The following RBFOX1 variants were observed in gnomAD, a reference collection of about 807,000 sequenced individuals.
The protein encoded by RBFOX1 is RNA binding protein fox-1 homolog 1.
Under a neutral mutation model 57.7 loss-of-function variants are expected in RBFOX1, and 8 were observed. That is an observed-to-expected ratio of 0.14 (90% confidence interval 0.08 to 0.25). RBFOX1 has a LOEUF of 0.25. RBFOX1 is among the 10% of genes least tolerant of loss of function. The probability of loss-of-function intolerance (pLI) is 1.00; values close to 1 mark genes in which losing one functional copy is unlikely to be tolerated. For missense variants in RBFOX1, 611 were observed against 548.5 expected, an observed-to-expected ratio of 1.11 and a Z score of -1.14; for synonymous variants, 326 against 222.4, an observed-to-expected ratio of 1.47 and a Z score of -4.15.
chr16:7,659,046 A>T (rs1441289565), intron 12 of RBFOX1, among the ~76,000 whole-genome samples: 1 of 152,086 alleles, frequency 6.6e-6, no homozygotes, highest in East Asian at 1.9e-4. Flanking sequence ...TATTATTCTA[A>T]GCCTAAGCAT....
chr16:6,281,100 A>G (rs116079719), intron 1 of RBFOX1, among the ~76,000 whole-genome samples: 1,782 of 151,876 alleles, frequency 0.012, 41 homozygotes, highest in African/African-American at 0.041. Context: ...ATCTATGTCC[A>G]GTGGAAAGAG....
chr16:6,984,549 C>G (rs983501616), intron 3 of RBFOX1, among the ~76,000 whole-genome samples: 1 of 152,152 alleles, frequency 6.6e-6, no homozygotes, highest in East Asian at 1.9e-4. Context: ...GGTGCAGCAG[C>G]CCATTGAGTT....
chr16:7,237,526 A>G (rs2093829777), intron 4 of RBFOX1, among the ~76,000 whole-genome samples: 1 of 152,238 alleles, frequency 6.6e-6, no homozygotes, highest in Non-Finnish European at 1.5e-5. Flanking sequence ...TAGAATGAGA[A>G]AAGTGAAAAG....
Position 7,518,339 on chromosome 16 carries a change from G to C in RBFOX1, c.220G>C (p.Glu74Gln), listed in dbSNP as rs748804086. The stretch of plus-strand genomic sequence containing the variant: ...GTACCCTCCCGCCCAGACGCACTCC[G>C]AGCAGAGCCCGGCGGACACGAGCGC... ...NLYPPAQTHS[E>Q]QSPADTSAQT... is the part of the protein sequence containing the mutation. Residue 74 changes from glutamate (E) to glutamine (Q), a missense_variant, in exon 5 of 16, where the codon GAG (glutamate) becomes CAG (glutamine). By Grantham distance (29) the Glu-to-Gln change is conservative. This residue lies in a region of RBFOX1 where 245 missense variants were observed against 159.1 expected (regional missense o/e 1.54). Transcript: ENST00000550418. 83 of 1,613,586 alleles carry C rather than the reference G, an allele frequency of 5.1e-5. No individual in the cohort carries two copies. In the Admixed American group the frequency reaches 1.4e-3, roughly 26 times the overall value.
At chr16:6,846,337 C>G (rs1275434483) in intron 3 of RBFOX1, among the ~76,000 whole-genome samples, 1 of 152,152 alleles carries the variant, frequency 6.6e-6, no homozygotes, top group Admixed American at 6.6e-5. Context: ...ATGGACACAT[C>G]AAGACTCACT....
At chr16:6,820,524 T>C (rs960170629) in intron 3 of RBFOX1, among the ~76,000 whole-genome samples, 2 of 152,080 alleles carry the variant, frequency 1.3e-5, no homozygotes, top group African/African-American at 4.8e-5. Context: ...CTGGGTATGG[T>C]GGCGTGCACC....
Position 6,518,041 on chromosome 16 carries a change from C to G in RBFOX1, c.-63-136562C>G, listed in dbSNP as rs147186049. 5.1e-3 allele frequency among the ~76,000 whole-genome samples: 772 copies of G among 152,208 alleles called. 7 individuals carry two copies. The East Asian group carries it at 0.064, about 13-fold the overall frequency. ...CATTGACTCTGAAGTTCTTGTCTGT[C>G]TTTGTTGAACTAATTCAAGTTGGAG... is the stretch of plus-strand genomic sequence containing the variant. On this transcript the variant is annotated intron_variant, in intron 2 of 15. Transcript: ENST00000550418.
chr16:6,176,540 C>A (rs1329079312), intron 1 of RBFOX1, among the ~76,000 whole-genome samples: 1 of 151,968 alleles, frequency 6.6e-6, no homozygotes, highest in African/African-American at 2.4e-5. Context: ...ACTTAAACTT[C>A]AAAGAGTCTT....
At chr16:5,511,321 G>A (rs2043582900) in intron 2 of RBFOX1, among the ~76,000 whole-genome samples, 1 of 152,248 alleles carries the variant, frequency 6.6e-6, no homozygotes, top group Non-Finnish European at 1.5e-5. Context: ...GCAAAGCTAA[G>A]AGGAGCTGAG....
At chr16:6,848,922 G>C (rs1306947408) in intron 3 of RBFOX1, among the ~76,000 whole-genome samples, 1 of 152,128 alleles carries the variant, frequency 6.6e-6, no homozygotes, top group East Asian at 1.9e-4. Context: ...AAAAAGACCA[G>C]AGAATGTCTC....
intron 2 of RBFOX1, among the ~76,000 whole-genome samples, chr16:6,560,483 A>G (rs953623912): frequency 1.4e-4 from 22 of 152,202 alleles, no homozygotes; most frequent in African/African-American, 5.3e-4. Context: ...AAAGCAAAAG[A>G]TCTAAGGCTT....
intron 3 of RBFOX1, among the ~76,000 whole-genome samples, chr16:6,951,816 C>G (rs888202714): frequency 1.3e-5 from 2 of 152,154 alleles, no homozygotes; most frequent in African/African-American, 4.8e-5. Flanking sequence ...TCACTGCAAC[C>G]TCCGCCTCCT....
At chr16:5,837,694 A>G (rs1567608014) in intron 3 of RBFOX1, among the ~76,000 whole-genome samples, 2 of 150,508 alleles carry the variant, frequency 1.3e-5, no homozygotes, top group Admixed American at 6.6e-5. Context: ...TTCTATCCCC[A>G]TTCCTGTTTT....
rs972061020 is a variant in RBFOX1 at position 6,413,998 on chromosome 16, G to A, written c.-64+96941G>A. On this transcript the variant is annotated intron_variant, in intron 2 of 15. Transcript: ENST00000550418. ...ACATATTCTATAGGTGCACATAGAC[G>A]AGAAGGAAATTCCAACCATAGGGAT... 4.6e-5 allele frequency among the ~76,000 whole-genome samples: 7 copies of A among 152,154 alleles called. No homozygotes were observed. The East Asian group carries it at 7.7e-4, about 17-fold the overall frequency.
intron 3 of RBFOX1, among the ~76,000 whole-genome samples, chr16:6,940,879 G>GTTTGTT (rs557358282): frequency 7.2e-6 from 1 of 138,566 alleles, no homozygotes; most frequent in African/African-American, 2.8e-5. Flanking sequence ...GTGTGTGTGT[G>GTTTGTT]TGTGTGTGTG....
At chr16:6,691,324 A>G (rs1198974226) in intron 3 of RBFOX1, among the ~76,000 whole-genome samples, 1 of 152,274 alleles carries the variant, frequency 6.6e-6, no homozygotes, top group South Asian at 2.1e-4. Context: ...CGTAATAAAC[A>G]TAACTGTTTC....
At chr16:6,569,688 T>C (rs1387266029) in intron 2 of RBFOX1, among the ~76,000 whole-genome samples, 1 of 152,188 alleles carries the variant, frequency 6.6e-6, no homozygotes, top group African/African-American at 2.4e-5. Context: ...ATCCTGTGAG[T>C]ACCTTGACAA....
chr16:7,267,892 T>G (rs1174816445), intron 4 of RBFOX1, among the ~76,000 whole-genome samples: 1 of 152,130 alleles, frequency 6.6e-6, no homozygotes, highest in Non-Finnish European at 1.5e-5. Context: ...GAGGAGGTTT[T>G]GTTGAGTCAG....
chr16:5,740,727 G>C (rs917231307), intron 3 of RBFOX1, among the ~76,000 whole-genome samples: 1 of 152,122 alleles, frequency 6.6e-6, no homozygotes, highest in Non-Finnish European at 1.5e-5. Flanking sequence ...TGTCATGGTG[G>C]CAAAAGGGCT....
Sources: allele counts gnomAD v4.1 joint callset (sites outside exome capture counted in the v4.1 genomes callset), GRCh38; gene constraint gnomAD v4.1.1; regional missense constraint gnomAD v4.1.1; transcripts MANE v1.5; gene names NCBI Gene and HGNC (gene_info 2026-07-23, HGNC 2026-07-21).